SGCD: variants seen among roughly 807,000 people sequenced by gnomAD.
SGCD encodes sarcoglycan delta.
A neutral mutation model predicts 36.6 loss-of-function variants in SGCD; 18 were observed. The observed-to-expected ratio is 0.49, with a 90% confidence interval of 0.34 to 0.73. The LOEUF (loss-of-function observed/expected upper bound fraction) is 0.73. Ranked by LOEUF, SGCD falls within the 30% of genes least tolerant of loss-of-function variation. SGCD has a pLI of 0.01. For synonymous variants in SGCD, 133 were observed against 130.6 expected (o/e 1.02, Z -0.12); for missense variants, 387 against 346.7 (o/e 1.12, Z -0.92).
chr5:156,219,125 A>G (rs1374148496), intron 3 of SGCD, among the ~76,000 whole-genome samples: 1 of 152,248 alleles, frequency 6.6e-6, no homozygotes, highest in Non-Finnish European at 1.5e-5. Context: ...GAGAATTTCA[A>G]TGCTGTCAGT....
At chr5:156,350,662 A>C (rs1226125457) in intron 3 of SGCD, among the ~76,000 whole-genome samples, 1 of 152,112 alleles carries the variant, frequency 6.6e-6, no homozygotes, top group Admixed American at 6.6e-5. Flanking sequence ...TTGAGACTAC[A>C]TATTTCATTT....
the SGCD span, among the ~76,000 whole-genome samples, chr5:155,838,415 G>T: frequency 6.6e-6 from 1 of 152,068 alleles, no homozygotes; most frequent in East Asian, 1.9e-4. Context: ...TTGAAGAAAT[G>T]AGAACATTAT....
intron 1 of SGCD, among the ~76,000 whole-genome samples, chr5:155,871,455 T>C (rs140171702): frequency 1.2e-3 from 183 of 152,054 alleles, no homozygotes; most frequent in African/African-American, 4.0e-3. Context: ...TTATGCCAGG[T>C]AGTAAGATGA....
At chr5:156,417,371 T>C (rs375311397) in intron 3 of SGCD, among the ~76,000 whole-genome samples, 9 of 152,252 alleles carry the variant, frequency 5.9e-5, no homozygotes, top group African/African-American at 2.2e-4. Flanking sequence ...ACTATATCGG[T>C]GTTTTGGGAT....
chr5:156,339,244 A>G (rs555402619), intron 2 of SGCD, among the ~76,000 whole-genome samples: 1 of 152,362 alleles, frequency 6.6e-6, no homozygotes, highest in South Asian at 2.1e-4. Context: ...TTTGGGAAAT[A>G]TAATCCTCTT....
intron 7 of SGCD, among the ~76,000 whole-genome samples, chr5:156,705,957 T>A (rs185990138): frequency 8.5e-5 from 13 of 152,308 alleles, no homozygotes; most frequent in Admixed American, 1.3e-4. Context: ...ACTAAAATAC[T>A]TCAATCAACC....
Position 156,656,028 on chromosome 5 carries a change from C to T in SGCD, c.575+8492C>T, listed in dbSNP as rs540571094. On this transcript the variant is annotated intron_variant, in intron 7 of 8. Coordinates refer to ENST00000337851, the MANE Select transcript of SGCD (RefSeq NM_000337.6). ...TGATCCTACGAGAATAGGAAGTAGA[C>T]GGTAAAATCTTCTTTCTCAGGTACA... 4.6e-5 allele frequency among the ~76,000 whole-genome samples: 7 copies of T among 152,042 alleles called. No homozygotes were observed. In the East Asian group the frequency reaches 7.7e-4, roughly 17 times the overall value.
At chr5:155,978,600 T>G (rs1758168523) in intron 1 of SGCD, among the ~76,000 whole-genome samples, 1 of 152,252 alleles carries the variant, frequency 6.6e-6, no homozygotes, top group Non-Finnish European at 1.5e-5. Context: ...TGACAAAGAT[T>G]AATGTTGACT....
In SGCD at chr5:156,766,097, G is replaced by A. The variant is rs907359110; in HGVS notation, c.*6707G>A. 2 of 150,334 alleles carry A rather than the reference G, an allele frequency of 1.3e-5. No homozygotes were observed. The highest frequency in any genetic ancestry group is 1.3e-4 in the Admixed American group (2 of 15,126). The allele number at this position is 150,334 out of a possible 1,614,324, so 9.3% of individuals were successfully genotyped here. A position where few individuals can be genotyped will look rare whatever the true frequency, so the allele number is the denominator to read the frequency against. On this transcript the variant is annotated 3_prime_UTR_variant, in exon 9 of 9. Coordinates refer to ENST00000337851, the MANE Select transcript of SGCD (RefSeq NM_000337.6). ...TTAGCCTCACATTTAGGAAAAAATT[G>A]TAATACTCAGTTATCTGTGTGTGTG...
chr5:156,173,368 A>G (rs541806683), intron 3 of SGCD, among the ~76,000 whole-genome samples: 1 of 152,302 alleles, frequency 6.6e-6, no homozygotes, highest in South Asian at 2.1e-4. Flanking sequence ...TGATAGCAAC[A>G]GTGCTTCAAT....
chr5:155,795,604 T>A, the SGCD span, among the ~76,000 whole-genome samples: 2 of 152,128 alleles, frequency 1.3e-5, no homozygotes, highest in South Asian at 4.1e-4. Context: ...AACAATTGAG[T>A]ACAATAAAAC....
chr5:156,439,063 A>G (rs931173954), intron 3 of SGCD, among the ~76,000 whole-genome samples: 3 of 151,746 alleles, frequency 2.0e-5, no homozygotes, highest in African/African-American at 7.3e-5. Context: ...ACTCCAAACC[A>G]CTGGGCTCTT....
intron 6 of SGCD, among the ~76,000 whole-genome samples, chr5:156,645,636 A>AT (rs1304073095): frequency 6.6e-6 from 1 of 152,094 alleles, no homozygotes; most frequent in African/African-American, 2.4e-5. Flanking sequence ...GAACAGAAAG[A>AT]TTAGAGTTCA....
chr5:155,781,270 A>G, the SGCD span, among the ~76,000 whole-genome samples: 1 of 152,270 alleles, frequency 6.6e-6, no homozygotes, highest in East Asian at 1.9e-4. Flanking sequence ...ATGGAGTCAT[A>G]TGGGTCTCCC....
chr5:156,234,537 G>A (rs1360208771), intron 3 of SGCD, among the ~76,000 whole-genome samples: 1 of 152,122 alleles, frequency 6.6e-6, no homozygotes, highest in Non-Finnish European at 1.5e-5. Flanking sequence ...TTCTCTAAGT[G>A]AAAACATGAT....
At chr5:156,409,762 C>A (rs946018425) in intron 3 of SGCD, among the ~76,000 whole-genome samples, 2 of 152,138 alleles carry the variant, frequency 1.3e-5, no homozygotes, top group Non-Finnish European at 2.9e-5. Context: ...CCTATCTACT[C>A]CTATGCTAAA....
intron 3 of SGCD, among the ~76,000 whole-genome samples, chr5:156,264,580 T>C (rs1185342209): frequency 6.6e-6 from 1 of 152,166 alleles, no homozygotes; most frequent in African/African-American, 2.4e-5. Context: ...ATTCCTTTCC[T>C]TTTTTGGGTA....
At chr5:156,013,298 T>C (rs1465019199) in intron 1 of SGCD, among the ~76,000 whole-genome samples, 1 of 152,214 alleles carries the variant, frequency 6.6e-6, no homozygotes, top group African/African-American at 2.4e-5. Flanking sequence ...GTGCTGGGAT[T>C]ACAGGCATGA....
intron 1 of SGCD, among the ~76,000 whole-genome samples, chr5:155,923,283 A>C (rs1756927280): frequency 6.6e-6 from 1 of 152,220 alleles, no homozygotes; most frequent in Admixed American, 6.5e-5. Context: ...TATTGGGGGT[A>C]TATGCTGAAA....
Sources: allele counts gnomAD v4.1 joint callset (sites outside exome capture counted in the v4.1 genomes callset), GRCh38; gene constraint gnomAD v4.1.1; transcripts MANE v1.5; gene names NCBI Gene and HGNC (gene_info 2026-07-23, HGNC 2026-07-21).